The following DGKB variants were observed in gnomAD, a reference collection of about 807,000 sequenced individuals.
The protein encoded by DGKB is diacylglycerol kinase beta.
DGKB carries 67 observed loss-of-function variants against 114.3 expected under a neutral mutation model. That is an observed-to-expected ratio of 0.59 (90% CI 0.48 to 0.72). DGKB has a LOEUF of 0.72. Among genes scored for constraint, DGKB ranks in the 30% least tolerant of loss-of-function variants. The probability of loss-of-function intolerance (pLI) is 0.00; values close to 1 mark genes in which losing one functional copy is unlikely to be tolerated. For missense variants in DGKB, 907 were observed against 975.2 expected, an observed-to-expected ratio of 0.93 and a Z score of 0.93; for synonymous variants, 398 against 323.1, an observed-to-expected ratio of 1.23 and a Z score of -2.49.
chr7:14,242,419 T>G (rs1351149911), intron 23 of DGKB, among the ~76,000 whole-genome samples: 1 of 152,126 alleles, frequency 6.6e-6, no homozygotes, highest in Non-Finnish European at 1.5e-5. Flanking sequence ...CTTATGTCAC[T>G]CACAGTAAAG....
chr7:14,371,938 C>T (rs1294854128), intron 21 of DGKB, among the ~76,000 whole-genome samples: 1 of 152,148 alleles, frequency 6.6e-6, no homozygotes, highest in Non-Finnish European at 1.5e-5. Flanking sequence ...ACTAAAATGC[C>T]TCCATGGCCA....
chr7:14,420,761 A>G (rs1364286440), intron 21 of DGKB, among the ~76,000 whole-genome samples: 1 of 152,090 alleles, frequency 6.6e-6, no homozygotes, highest in Non-Finnish European at 1.5e-5. Context: ...CAATTCAAAT[A>G]TTAACTAACT....
intron 23 of DGKB, among the ~76,000 whole-genome samples, chr7:14,327,962 AT>A (rs1809045176): frequency 6.6e-6 from 1 of 152,102 alleles, no homozygotes; most frequent in African/African-American, 2.4e-5. Context: ...AAAATATGAA[AT>A]GACTTCTCAA....
At chr7:14,651,024 G>C (rs568729639) in intron 13 of DGKB, among the ~76,000 whole-genome samples, 4 of 152,180 alleles carry the variant, frequency 2.6e-5, no homozygotes, top group Admixed American at 1.3e-4. Flanking sequence ...CAACCAAAAA[G>C]AGTCCAGCAC....
chr7:14,592,063 G>C (rs1442648332), intron 17 of DGKB, among the ~76,000 whole-genome samples: 1 of 151,598 alleles, frequency 6.6e-6, no homozygotes, highest in Non-Finnish European at 1.5e-5. Flanking sequence ...GTATGGGTTA[G>C]AAATAGATTA....
At chr7:14,848,834 T>A (rs748603401) in intron 1 of DGKB, among the ~76,000 whole-genome samples, 4 of 152,148 alleles carry the variant, frequency 2.6e-5, no homozygotes, top group Non-Finnish European at 5.9e-5. Flanking sequence ...CCCAATGGGC[T>A]GGTTGAGAAT....
At chr7:14,485,192 A>G (rs1406005665) in intron 20 of DGKB, among the ~76,000 whole-genome samples, 3 of 151,150 alleles carry the variant, frequency 2.0e-5, no homozygotes, top group Non-Finnish European at 4.4e-5. Flanking sequence ...TTGATGTTAC[A>G]GTGTCTGAGG....
chr7:14,349,617 C>A (rs62444573), intron 21 of DGKB, among the ~76,000 whole-genome samples: 6,397 of 152,176 alleles, frequency 0.042, 306 homozygotes, highest in African/African-American at 0.12. Flanking sequence ...ACTTTAAATT[C>A]TCCATTATTA....
At chr7:14,153,644 C>T (rs1326038695) in intron 25 of DGKB, among the ~76,000 whole-genome samples, 2 of 152,032 alleles carry the variant, frequency 1.3e-5, no homozygotes, top group Non-Finnish European at 2.9e-5. Flanking sequence ...AGCATTCCCT[C>T]TCTTTTTTGC....
chr7:14,261,089 A>G (rs934364017), intron 23 of DGKB, among the ~76,000 whole-genome samples: 6 of 152,160 alleles, frequency 3.9e-5, no homozygotes, highest in African/African-American at 1.2e-4. Flanking sequence ...AAAACATAAA[A>G]AAATTAATTG....
chr7:14,967,241 A>G (rs565595501), intron 1 of DGKB, among the ~76,000 whole-genome samples: 1 of 152,326 alleles, frequency 6.6e-6, no homozygotes, highest in East Asian at 1.9e-4. Flanking sequence ...CAAAACTCCT[A>G]CATAAGAATG....
At chr7:14,725,015 A>G (rs1000705162) in intron 5 of DGKB, among the ~76,000 whole-genome samples, 1 of 152,084 alleles carries the variant, frequency 6.6e-6, no homozygotes, top group Admixed American at 6.6e-5. Context: ...ATAAAAAAAA[A>G]TTTTTAATTA....
At chr7:14,246,710 T>C (rs1386651983) in intron 23 of DGKB, among the ~76,000 whole-genome samples, 1 of 152,090 alleles carries the variant, frequency 6.6e-6, no homozygotes, top group Non-Finnish European at 1.5e-5. Flanking sequence ...ATTGTATATA[T>C]TGGAGGTGTA....
chr7:14,812,621 C>T (rs1400955602), intron 2 of DGKB, among the ~76,000 whole-genome samples: 3 of 152,166 alleles, frequency 2.0e-5, no homozygotes, highest in Non-Finnish European at 4.4e-5. Flanking sequence ...TTCTAAGCTA[C>T]AGCTCCCAGG....
At chr7:14,924,095 T>C (rs1282553238) in intron 1 of DGKB, among the ~76,000 whole-genome samples, 1 of 151,048 alleles carries the variant, frequency 6.6e-6, no homozygotes, top group Non-Finnish European at 1.5e-5. Flanking sequence ...GTAACTGAGC[T>C]CTAATGACAC....
intron 13 of DGKB, among the ~76,000 whole-genome samples, chr7:14,643,765 G>A (rs148525409): frequency 6.6e-6 from 1 of 152,258 alleles, no homozygotes; most frequent in Non-Finnish European, 1.5e-5. Context: ...ATGTCCATGT[G>A]CAATGTCAAT....
At chr7:14,283,490 C>A (rs1440344437) in intron 23 of DGKB, among the ~76,000 whole-genome samples, 1 of 150,622 alleles carries the variant, frequency 6.6e-6, no homozygotes, top group Admixed American at 6.6e-5. Flanking sequence ...CAATGCCTTT[C>A]TTCACAGAAT....
chr7:14,452,461 A>G (rs1423750323), intron 21 of DGKB, among the ~76,000 whole-genome samples: 1 of 152,074 alleles, frequency 6.6e-6, no homozygotes, highest in African/African-American at 2.4e-5. Flanking sequence ...TGAAATATTT[A>G]TGCTTCATTT....
chr7:14,907,302 A>G (rs1001623835), upstream of DGKB, among the ~76,000 whole-genome samples: 1 of 152,244 alleles, frequency 6.6e-6, no homozygotes, highest in African/African-American at 2.4e-5. Context: ...GGCCATTTAC[A>G]GGCCTTTCCA....
Sources: allele counts gnomAD v4.1 joint callset (sites outside exome capture counted in the v4.1 genomes callset), GRCh38; gene constraint gnomAD v4.1.1; transcripts MANE v1.5; gene names NCBI Gene and HGNC (gene_info 2026-07-23, HGNC 2026-07-21).